Variants in P4HA1 observed in about 807,000 individuals in gnomAD.
P4HA1 encodes prolyl 4-hydroxylase subunit alpha-1.
A neutral mutation model predicts 72.8 loss-of-function variants in P4HA1; 24 were observed. The ratio of observed to expected loss-of-function variants is 0.33; its 90% CI spans 0.24 to 0.46. The LOEUF is 0.46. Among genes scored for constraint, P4HA1 ranks in the 20% least tolerant of loss-of-function variants. The pLI is 1.00. For missense variants in P4HA1, 446 were observed against 640.6 expected (o/e 0.70, Z 3.28); for synonymous variants, 201 against 218.8 (o/e 0.92, Z 0.72).
chr10:73,051,269 G>A lies in P4HA1; in HGVS notation c.704-20C>T. The A allele has an allele frequency of 3.0e-6, 4 of 1,341,580 alleles. No individual in the cohort carries two copies. The highest frequency in any genetic ancestry group is 4.2e-6 in the Non-Finnish European group (4 of 943,180). 83.1% of individuals were successfully genotyped at this position (1,341,580 alleles called of 1,614,324 possible). On this transcript the variant is annotated intron_variant, in intron 6 of 14. Coordinates refer to ENST00000394890, the MANE Select transcript of P4HA1 (RefSeq NM_001017962.3). The stretch of plus-strand genomic sequence containing the variant: ...CAGGATCTATTAGAAGAGAAACAAA[G>A]CATGTCCATGGGTAAGTTCATGCTT...
At chr10:73,040,428 T>G (rs539486093) in intron 9 of P4HA1, among the ~76,000 whole-genome samples, 1 of 151,728 alleles carries the variant, frequency 6.6e-6, no homozygotes, top group African/African-American at 2.4e-5. Context: ...ATTGCATACA[T>G]AGAAAATTTC....
chr10:73,050,329 T>G (rs1840988543), intron 7 of P4HA1, among the ~76,000 whole-genome samples: 1 of 152,104 alleles, frequency 6.6e-6, no homozygotes, highest in Non-Finnish European at 1.5e-5. Context: ...AGCTTTATTT[T>G]AAAGCTATTT....
At chr10:73,093,585 T>G (rs1842081829) in intron 1 of P4HA1, among the ~76,000 whole-genome samples, 1 of 151,806 alleles carries the variant, frequency 6.6e-6, no homozygotes, top group South Asian at 2.1e-4. Context: ...TGATCACACC[T>G]GTAATCCCAG....
chr10:73,008,402 C>A lies in P4HA1; in HGVS notation c.1535-110G>T. ...GTTTCATCATGGGATAAAAGTTCAA[C>A]ACCAAAACCGGATAAAGGCAGATGC... On this transcript the variant is annotated intron_variant, in intron 14 of 14. Transcript: ENST00000394890. The A allele has an allele frequency of 7.2e-6, 5 of 694,046 alleles. No homozygotes were observed. In the South Asian group the frequency reaches 7.5e-5, roughly 10 times the overall value. The allele number at this position is 694,046 out of a possible 1,614,324, so 43.0% of individuals were successfully genotyped here.
chr10:73,061,820 A>C (rs531384911), intron 5 of P4HA1, among the ~76,000 whole-genome samples: 2 of 152,254 alleles, frequency 1.3e-5, no homozygotes, highest in South Asian at 2.1e-4. Context: ...GGAATTCAAG[A>C]CCAGACTGGG....
rs570423521 is a variant in P4HA1 at position 73,080,999 on chromosome 10, A to G, written c.-32-6084T>C. Among the ~76,000 whole-genome samples, 37 of 152,342 alleles carry G rather than the reference A, an allele frequency of 2.4e-4. No homozygotes were observed. The East Asian group carries it at 6.9e-3, about 29-fold the overall frequency. Reference sequence around the variant, plus strand: ...TCTATTTATTCTACCTTCATTCAGAAAGCAGCTTGCAAAGAGAATCATTAT... The same window carrying G: ...TCTATTTATTCTACCTTCATTCAGAGAGCAGCTTGCAAAGAGAATCATTAT... On this transcript the variant is annotated intron_variant, in intron 1 of 14. Transcript: ENST00000394890.
intron 5 of P4HA1, among the ~76,000 whole-genome samples, chr10:73,058,671 A>T (rs1589609715): frequency 6.6e-6 from 1 of 152,294 alleles, no homozygotes; most frequent in East Asian, 1.9e-4. Context: ...TAGAGTAATA[A>T]CACGTAGCTA....
At chr10:73,063,111 ACTATCTTAGTG>A (rs1841347448) in intron 5 of P4HA1, among the ~76,000 whole-genome samples, 2 of 152,208 alleles carry the variant, frequency 1.3e-5, no homozygotes, top group South Asian at 4.1e-4. Flanking sequence ...AGGAAAGGAT[ACTATCTTAGTG>A]CATTTATGCT....
intron 9 of P4HA1, among the ~76,000 whole-genome samples, chr10:73,034,640 T>G (rs1840524412): frequency 6.7e-6 from 1 of 149,904 alleles, no homozygotes; most frequent in African/African-American, 2.5e-5. Flanking sequence ...CAGGCTGGAG[T>G]GCAGTGATGC....
At chr10:73,080,788 C>G (rs371602388) in intron 1 of P4HA1, among the ~76,000 whole-genome samples, 3 of 152,108 alleles carry the variant, frequency 2.0e-5, no homozygotes, top group African/African-American at 7.2e-5. Context: ...ATTAGCCAGG[C>G]ATGTTGGCAC....
chr10:73,053,298 A>T, intron 6 of P4HA1, 53 bp downstream of exon 6: 5 of 1,522,166 alleles, frequency 3.3e-6, no homozygotes, highest in Non-Finnish European at 4.5e-6. Flanking sequence ...AAAAATAGAG[A>T]ATATATATCC....
intron 1 of P4HA1, among the ~76,000 whole-genome samples, chr10:73,096,014 G>A (rs565231298): frequency 1.3e-5 from 2 of 152,344 alleles, no homozygotes; most frequent in South Asian, 4.1e-4. Flanking sequence ...TCGGCAGAGA[G>A]AGACAGAGAG....
intron 10 of P4HA1, among the ~76,000 whole-genome samples, chr10:73,026,882 G>T (rs1220334207): frequency 1.3e-5 from 2 of 152,210 alleles, no homozygotes; most frequent in Non-Finnish European, 2.9e-5. Flanking sequence ...GAAATGCGAA[G>T]CAAAACCACA....
rs1471137874 is a variant in P4HA1 at position 73,011,037 on chromosome 10, T to A, written c.1369A>T (p.Met457Leu). The change falls in exon 13 of 15, where the codon ATG becomes TTG. Residue 457 changes from methionine (M) to leucine (L), a missense_variant and splice_region_variant. Met to Leu is a conservative substitution (Grantham distance 15, BLOSUM62 2). Transcript: ENST00000394890. ...GCTCCTCCTGCAGACACATCACTCA[T>A]CTATAAGAAACAAGAGGGTGTTATC... ...GNRIATWLFYMSDVSAGGATV... is the reference protein window; with the variant it reads ...GNRIATWLFYLSDVSAGGATV... 6.2e-7 allele frequency: 1 copy of A among 1,612,382 alleles called. No homozygotes were observed. Among genetic ancestry groups the A allele is most frequent in the Non-Finnish European group, 8.5e-7 (1 of 1,178,746 alleles).
intron 1 of P4HA1, among the ~76,000 whole-genome samples, chr10:73,087,112 GAA>G (rs1248776710): frequency 6.6e-6 from 1 of 151,884 alleles, no homozygotes. Context: ...AGCAAAGGAT[GAA>G]AGTTTCCATT....
At position 73,014,407 on chromosome 10, in the gene P4HA1, G is replaced by A. The variant is rs552227820; in HGVS notation, c.1303-118C>T. 7 of 738,576 alleles carry A rather than the reference G, an allele frequency of 9.5e-6. No homozygotes were observed. The East Asian group carries it at 1.3e-4, about 14-fold the overall frequency. The allele number at this position is 738,576 out of a possible 1,614,324, so 45.8% of individuals were successfully genotyped here. A position where few individuals can be genotyped will look rare whatever the true frequency, so the allele number is the denominator to read the frequency against. Reference sequence around the variant, plus strand: ...GAATATGCCAACAACAACCGCAAAAGTTTCCCTTGTAATGTCCAGTGCACT... The same window carrying A: ...GAATATGCCAACAACAACCGCAAAAATTTCCCTTGTAATGTCCAGTGCACT... On this transcript the variant is annotated intron_variant, in intron 11 of 14. Transcript: ENST00000394890.
chr10:73,045,067 T>A lies in P4HA1; in HGVS notation c.1078-16A>T. 6.2e-7 allele frequency: 1 copy of A among 1,608,576 alleles called. No homozygotes were observed. Among genetic ancestry groups the A allele is most frequent in the Non-Finnish European group, 8.5e-7 (1 of 1,175,760 alleles). ...CTCGCCTCAGCTGTGAAGCCAACCA[T>A]CAAAATAGTTGCATTACAAAACAAA... is the stretch of plus-strand genomic sequence containing the variant. On this transcript the variant is annotated splice_polypyrimidine_tract_variant and intron_variant, in intron 8 of 14. Coordinates refer to ENST00000394890, the MANE Select transcript of P4HA1 (RefSeq NM_001017962.3).
intron 1 of P4HA1, among the ~76,000 whole-genome samples, chr10:73,075,731 T>TAC (rs1841682060): frequency 1.4e-5 from 2 of 140,072 alleles, no homozygotes; most frequent in Non-Finnish European, 3.0e-5. Context: ...ATATATTTTA[T>TAC]ATATATATAT....
intron 9 of P4HA1, among the ~76,000 whole-genome samples, chr10:73,032,426 T>A (rs1287934023): frequency 6.6e-6 from 1 of 152,188 alleles, no homozygotes; most frequent in Non-Finnish European, 1.5e-5. Flanking sequence ...GTTCCTTTGG[T>A]AACATTTGTG....
Sources: gnomAD v4.1 joint callset for allele counts (sites outside exome capture counted in the v4.1 genomes callset) on GRCh38, gnomAD v4.1.1 for gene constraint, MANE v1.5 for transcripts, NCBI Gene and HGNC (gene_info 2026-07-23, HGNC 2026-07-21) for gene names.